Variants in NEURL1B observed in about 807,000 individuals in gnomAD.
NEURL1B encodes the protein neuralized E3 ubiquitin protein ligase 1B, also known as E3 ubiquitin-protein ligase NEURL1B.
A neutral mutation model predicts 37.4 loss-of-function variants in NEURL1B; 13 were observed. The ratio of observed to expected loss-of-function variants is 0.35; its 90% CI spans 0.23 to 0.55. NEURL1B has a LOEUF of 0.55. Ranked by LOEUF, NEURL1B falls within the 20% of genes least tolerant of loss-of-function variation. The pLI is 0.89. For missense variants in NEURL1B, 790 were observed against 879.2 expected (o/e 0.90, Z 1.28); for synonymous variants, 432 against 426.6 (o/e 1.01, Z -0.16).
chr5:172,679,174 T>A (rs1758298765), intron 2 of NEURL1B, among the ~76,000 whole-genome samples: 1 of 152,242 alleles, frequency 6.6e-6, no homozygotes. Context: ...TGGGAGGCAG[T>A]ATTGCTAGCC....
Position 172,688,228 on chromosome 5 carries a change from C to T in NEURL1B, c.*1303C>T, listed in dbSNP as rs1410567465. The T allele has an allele frequency of 2.0e-5, 3 of 153,096 alleles. No homozygotes were observed. Among genetic ancestry groups the T allele is most frequent in the East Asian group, 1.9e-4 (1 of 5,204 alleles). The allele number at this position is 153,096 out of a possible 1,614,324, so 9.5% of individuals were successfully genotyped here. A position where few individuals can be genotyped will look rare whatever the true frequency, so the allele number is the denominator to read the frequency against. On this transcript the variant is annotated 3_prime_UTR_variant, in exon 5 of 5. Transcript: ENST00000369800. This position sits in a 1 kb window ranked among gnomAD's most constrained non-coding sequence, Gnocchi z 4.3. ...TCTTGCCCCCAGTTCTGGGCTCCAC[C>T]TCTGCCCTCTTCTGTGCTGTCCCAT...
chr5:172,663,829 T>TTTATTATTATTA lies in NEURL1B; in HGVS notation c.32-5938_32-5927dup, dbSNP rs60738970. Reference sequence around the variant, plus strand: ...TTCCTGGCAAAAGAGGTTTTATTTGTTTATTATTATTATTATTATTATTAT... The same window carrying TTTATTATTATTA: ...TTCCTGGCAAAAGAGGTTTTATTTGTTTATTATTATTATTATTATTATTATTATTATTATTAT... On this transcript the variant is annotated intron_variant, in intron 1 of 4. Coordinates refer to ENST00000369800, the MANE Select transcript of NEURL1B (RefSeq NM_001142651.3). Among the ~76,000 whole-genome samples, 160 of 140,844 alleles carry TTTATTATTATTA rather than the reference T, an allele frequency of 1.1e-3. 1 individual carries two copies. Among genetic ancestry groups the TTTATTATTATTA allele is most frequent in the African/African-American group, 3.5e-3 (135 of 38,578 alleles). 92.4% of individuals were successfully genotyped at this position (140,844 alleles called of 152,430 possible).
intron 1 of NEURL1B, among the ~76,000 whole-genome samples, chr5:172,644,133 C>T (rs572007601): frequency 6.6e-6 from 1 of 152,280 alleles, no homozygotes; most frequent in South Asian, 2.1e-4. Context: ...TTATTCACTG[C>T]TATACGTTTA....
In NEURL1B at chr5:172,663,942, G is replaced by C. The variant is rs192561900; in HGVS notation, c.32-5843G>C. On this transcript the variant is annotated intron_variant, in intron 1 of 4. Transcript: ENST00000369800. ...GCACCCGCAGACTTGGCCATTTTGG[G>C]GGAATGGCTGTAGTGACTGCCAGGA... Among the ~76,000 whole-genome samples the C allele has an allele frequency of 2.0e-3, 307 of 151,564 alleles. 2 individuals are homozygous for C. The highest frequency in any genetic ancestry group is 6.9e-3 in the African/African-American group (284 of 41,266).
At chr5:172,678,185 TCTTTCCTTTTTA>T (rs934636882) in intron 2 of NEURL1B, among the ~76,000 whole-genome samples, 1 of 152,176 alleles carries the variant, frequency 6.6e-6, no homozygotes, top group Non-Finnish European at 1.5e-5. Context: ...CTGGGCCCAC[TCTTTCCTTTTTA>T]CTTTCTTAAA....
intron 1 of NEURL1B, among the ~76,000 whole-genome samples, chr5:172,651,302 G>A (rs1268174307): frequency 6.6e-6 from 1 of 152,140 alleles, no homozygotes; most frequent in Non-Finnish European, 1.5e-5. Flanking sequence ...CTGTTTTTAT[G>A]AGCCTTTGCA....
rs1448682605 is a variant in NEURL1B, at chr5:172,683,302, C to T, written c.578-117C>T. On this transcript the variant is annotated intron_variant, in intron 2 of 4. Transcript: ENST00000369800. This position sits in a 1 kb window ranked among gnomAD's most constrained non-coding sequence, Gnocchi z 5.6. ...GTTCGAAGCCGGGGTGGGGTGGGGGCTGCTCGAGGCCCGGGTCGGTCGTGG... is the reference window on the plus strand; with the variant it reads ...GTTCGAAGCCGGGGTGGGGTGGGGGTTGCTCGAGGCCCGGGTCGGTCGTGG... The T allele has an allele frequency of 2.6e-6, 3 of 1,173,436 alleles. No individual in the cohort carries two copies. Among genetic ancestry groups the T allele is most frequent in the Non-Finnish European group, 3.2e-6 (3 of 930,660 alleles). 72.7% of individuals were successfully genotyped at this position (1,173,436 alleles called of 1,614,324 possible). A position where few individuals can be genotyped will look rare whatever the true frequency, so the allele number is the denominator to read the frequency against.
chr5:172,644,580 C>T (rs945587149), intron 1 of NEURL1B, among the ~76,000 whole-genome samples: 2 of 152,230 alleles, frequency 1.3e-5, no homozygotes, highest in African/African-American at 4.8e-5. Flanking sequence ...TTAAACAGAA[C>T]GTGCAGCACA....
In NEURL1B at chr5:172,687,985, T is replaced by C. The variant is rs971452164; in HGVS notation, c.*1060T>C. On this transcript the variant is annotated 3_prime_UTR_variant, in exon 5 of 5. Transcript: ENST00000369800. ...TCTTTGTTCTGATTCTCAGTGTATC[T>C]TCCTCCGCTGGTTACTAAAGTGTTC... 2 of 152,674 alleles carry C rather than the reference T, an allele frequency of 1.3e-5. No individual in the cohort carries two copies. Among genetic ancestry groups the C allele is most frequent in the African/African-American group, 4.8e-5 (2 of 41,462 alleles). 9.5% of individuals were successfully genotyped at this position (152,674 alleles called of 1,614,324 possible). A position where few individuals can be genotyped will look rare whatever the true frequency, so the allele number is the denominator to read the frequency against.
At chr5:172,653,175 T>C (rs1250467867) in intron 1 of NEURL1B, among the ~76,000 whole-genome samples, 2 of 152,228 alleles carry the variant, frequency 1.3e-5, no homozygotes, top group Admixed American at 6.5e-5. Flanking sequence ...ACCAAGTATA[T>C]AATTTCTAAG....
In NEURL1B at chr5:172,686,612, G is replaced by A. The variant is rs1293120221; in HGVS notation, c.1424-69G>A. 3.4e-6 allele frequency: 5 copies of A among 1,486,054 alleles called. No individual in the cohort carries two copies. Among genetic ancestry groups the A allele is most frequent in the Middle Eastern group, 1.8e-4 (1 of 5,694 alleles). The allele number at this position is 1,486,054 out of a possible 1,614,324, so 92.1% of individuals were successfully genotyped here. On this transcript the variant is annotated intron_variant, in intron 4 of 4. Coordinates refer to ENST00000369800, the MANE Select transcript of NEURL1B (RefSeq NM_001142651.3). This position sits in a 1 kb window ranked among gnomAD's most constrained non-coding sequence, Gnocchi z 7.9. ...TCCCAGCAAGAAGCCCTGCATTCTC[G>A]GGGTTGCCCCAACAGAGCCCACCTG... is the stretch of plus-strand genomic sequence containing the variant.
rs1227590204 is a variant in NEURL1B at position 172,684,056 on chromosome 5, C to T, written c.1215C>T (p.Arg405=). The change falls in exon 3 of 5, where the codon CGC becomes CGT. Residue 405 remains arginine (R), a synonymous_variant. Coordinates refer to ENST00000369800, the MANE Select transcript of NEURL1B (RefSeq NM_001142651.3). ...LLGINGRPRG[R]LLCVDTTQAL... is the part of the protein sequence containing the mutation. The stretch of plus-strand genomic sequence containing the variant: ...GCATCAACGGGCGTCCGCGCGGCCG[C>T]CTGCTGTGCGTCGACACCACGCAGG... The T allele has an allele frequency of 3.8e-6, 5 of 1,328,636 alleles. No individual in the cohort carries two copies. The highest frequency in any genetic ancestry group is 3.6e-5 in the South Asian group (2 of 55,690). The allele number at this position is 1,328,636 out of a possible 1,614,324, so 82.3% of individuals were successfully genotyped here.
At chr5:172,679,906 A>G (rs1392167583) in intron 2 of NEURL1B, among the ~76,000 whole-genome samples, 2 of 151,428 alleles carry the variant, frequency 1.3e-5, no homozygotes, top group East Asian at 3.9e-4. Flanking sequence ...CAGCTGTGTG[A>G]CCTCTTGGAG....
At position 172,683,857 on chromosome 5, in the gene NEURL1B, C is replaced by G; in HGVS notation, c.1016C>G (p.Ala339Gly). ...GGGCTGGCGGCGCCCGGCGCGCTGG[C>G]CTTCGGCATCACGTCGTGCGACCCG... is the stretch of plus-strand genomic sequence containing the variant. Reference protein sequence around the residue: ...RPGLAAPGALAFGITSCDPGV... With the variant: ...RPGLAAPGALGFGITSCDPGV... Residue 339 changes from alanine to glycine, a missense_variant, in exon 3 of 5, where the codon GCC (alanine) becomes GGC (glycine). Around this residue, in one of 3 missense-constraint regions of NEURL1B, gnomAD observed 460 missense variants for 407.4 expected, o/e 1.13. Coordinates refer to ENST00000369800, the MANE Select transcript of NEURL1B (RefSeq NM_001142651.3). This position sits in a 1 kb window ranked among gnomAD's most constrained non-coding sequence, Gnocchi z 5.6. The G allele has an allele frequency of 7.3e-7, 1 of 1,367,476 alleles. No homozygotes were observed. The highest frequency in any genetic ancestry group is 9.5e-7 in the Non-Finnish European group (1 of 1,055,894). 84.7% of individuals were successfully genotyped at this position (1,367,476 alleles called of 1,614,324 possible).
chr5:172,641,511 G>A lies in NEURL1B; in HGVS notation c.31+74G>A, dbSNP rs905208030. 8 of 1,182,032 alleles carry A rather than the reference G, an allele frequency of 6.8e-6. No homozygotes were observed. The Admixed American group carries it at 2.5e-4, about 38-fold the overall frequency. 73.2% of individuals were successfully genotyped at this position (1,182,032 alleles called of 1,614,324 possible). The stretch of plus-strand genomic sequence containing the variant: ...CCGGGGGACCCGCTGGGTGACTCTG[G>A]AGAGCTACCCCACGGCCCTTGGAGC... On this transcript the variant is annotated intron_variant, in intron 1 of 4. Transcript: ENST00000369800. The surrounding 1 kb of genome is among the most constrained non-coding windows in gnomAD (Gnocchi z 6.4).
At chr5:172,645,342 C>T (rs1304386415) in intron 1 of NEURL1B, among the ~76,000 whole-genome samples, 1 of 152,230 alleles carries the variant, frequency 6.6e-6, no homozygotes, top group Non-Finnish European at 1.5e-5. Context: ...GACAGTCTGA[C>T]ATCCTCCCTT....
chr5:172,672,548 C>CCA (rs1554098455), intron 2 of NEURL1B, among the ~76,000 whole-genome samples: 4 of 148,436 alleles, frequency 2.7e-5, no homozygotes, highest in East Asian at 2.1e-4. Context: ...TCTCCCCCCC[C>CCA]CACTCTATTT....
chr5:172,647,442 G>A lies in NEURL1B; in HGVS notation c.31+6005G>A, dbSNP rs1185811014. Among the ~76,000 whole-genome samples, 1 of 152,112 alleles carries A rather than the reference G, an allele frequency of 6.6e-6. No individual in the cohort carries two copies. The highest frequency in any genetic ancestry group is 1.5e-5 in the Non-Finnish European group (1 of 68,002). ...GGAAACTGAGGCTCAGAGGGGTAGTGAGACCTGCCCGGCCCAGGTGGCCAG... is the reference window on the plus strand; with the variant it reads ...GGAAACTGAGGCTCAGAGGGGTAGTAAGACCTGCCCGGCCCAGGTGGCCAG... On this transcript the variant is annotated intron_variant, in intron 1 of 4. Transcript: ENST00000369800. This position sits in a 1 kb window ranked among gnomAD's most constrained non-coding sequence, Gnocchi z 4.2.
rs1175409677 is a variant in NEURL1B, at chr5:172,676,142, T to A, written c.577+5812T>A. Among the ~76,000 whole-genome samples the A allele has an allele frequency of 6.7e-6, 1 of 148,976 alleles. No individual in the cohort carries two copies. Among genetic ancestry groups the A allele is most frequent in the Non-Finnish European group, 1.5e-5 (1 of 67,540 alleles). Reference sequence around the variant, plus strand: ...TGCAAGGGACAGAAACTCAGTTCAGTCTCACTTAAGGAAAAAAAAAAAAAA... The same window carrying A: ...TGCAAGGGACAGAAACTCAGTTCAGACTCACTTAAGGAAAAAAAAAAAAAA... On this transcript the variant is annotated intron_variant, in intron 2 of 4. Transcript: ENST00000369800. This position sits in a 1 kb window ranked among gnomAD's most constrained non-coding sequence, Gnocchi z 4.5.
Sources: allele counts gnomAD v4.1 joint callset (sites outside exome capture counted in the v4.1 genomes callset), GRCh38; gene constraint gnomAD v4.1.1; regional missense constraint gnomAD v4.1.1; non-coding constraint Gnocchi (gnomAD v3.1); transcripts MANE v1.5; gene names NCBI Gene and HGNC (gene_info 2026-07-23, HGNC 2026-07-21).